COMMD7: variants seen among roughly 807,000 people sequenced by gnomAD.
The protein encoded by COMMD7 is COMM domain containing 7, also known as COMM domain-containing protein 7.
COMMD7 carries 28 observed loss-of-function variants against 34.8 expected under a neutral mutation model. The ratio of observed to expected loss-of-function variants is 0.80; its 90% CI spans 0.60 to 1.10. The LOEUF (loss-of-function observed/expected upper bound fraction) is 1.10. Among genes scored for constraint, COMMD7 ranks in the 50% least tolerant of loss-of-function variants. The pLI, the probability that COMMD7 is intolerant of heterozygous loss-of-function variation, is 0.00. For missense variants in COMMD7, 211 were observed against 241.6 expected, an observed-to-expected ratio of 0.87 and a Z score of 0.84; for synonymous variants, 80 against 86.4, an observed-to-expected ratio of 0.93 and a Z score of 0.41.
chr20:32,704,412 C>A (rs1983930557), intron 7 of COMMD7, 28 bp downstream of exon 7: 7 of 1,591,966 alleles, frequency 4.4e-6, no homozygotes, highest in African/African-American at 1.4e-5. Flanking sequence ...AAAATCTACC[C>A]ATTTTCAAGG....
chr20:32,740,290 C>A (rs1986364834), intron 1 of COMMD7, among the ~76,000 whole-genome samples: 1 of 145,694 alleles, frequency 6.9e-6, no homozygotes, highest in African/African-American at 2.6e-5. Flanking sequence ...GCACTCCAGC[C>A]TGGGCAACAG....
intron 3 of COMMD7, among the ~76,000 whole-genome samples, chr20:32,712,293 A>AAAAAAG (rs1555823349): frequency 2.0e-5 from 3 of 146,928 alleles, no homozygotes; most frequent in African/African-American, 7.6e-5. Context: ...AAAAAAAAAA[A>AAAAAAG]AGAGAGAGAT....
rs571626136 is a variant in COMMD7 at position 32,704,088 on chromosome 20, A to C, written c.478-17T>G. ...CAACTTTAGCTGATGAAAGAAAAAG[A>C]AATAATTTAAATTAAAATGATGACA... On this transcript the variant is annotated splice_polypyrimidine_tract_variant and intron_variant, in intron 7 of 8. Coordinates refer to ENST00000278980, the MANE Select transcript of COMMD7 (RefSeq NM_053041.3). 6.4e-6 allele frequency: 10 copies of C among 1,557,490 alleles called. No individual in the cohort carries two copies. In the African/African-American group the frequency reaches 8.3e-5, roughly 13 times the overall value.
At position 32,704,834 on chromosome 20, in the gene COMMD7, T is replaced by C; in HGVS notation, c.407A>G (p.Asp136Gly). Residue 136 changes from aspartate (D) to glycine (G), a missense_variant, in exon 6 of 9, where the codon GAT becomes GGT. Physicochemically the swap from Asp to Gly is moderately conservative, Grantham distance 94. Transcript: ENST00000278980. Reference sequence around the variant, plus strand: ...GTTACCTCCAAATTTCCACTCCATATCTATGAGCTGGTTAATCATCAGAGT... The same window carrying C: ...GTTACCTCCAAATTTCCACTCCATACCTATGAGCTGGTTAATCATCAGAGT... ...GQTLMINQLI[D>G]MEWKFGVTSG... The C allele has an allele frequency of 6.2e-7, 1 of 1,613,814 alleles. No homozygotes were observed.
chr20:32,703,531 C>T, intron 8 of COMMD7, 73 bp from the exon 9 acceptor site: 1 of 1,557,502 alleles, frequency 6.4e-7, no homozygotes, highest in East Asian at 2.3e-5. Context: ...TTAATTTCCA[C>T]CCGGAGGATT....
intron 1 of COMMD7, among the ~76,000 whole-genome samples, chr20:32,728,506 CG>C (rs1386278334): frequency 5.3e-5 from 8 of 151,890 alleles, no homozygotes; most frequent in African/African-American, 1.9e-4. Context: ...AAATTAAAAG[CG>C]GTTACCACTT....
At chr20:32,715,043 A>G (rs1418100843) in intron 3 of COMMD7, among the ~76,000 whole-genome samples, 1 of 150,632 alleles carries the variant, frequency 6.6e-6, no homozygotes, top group Non-Finnish European at 1.5e-5. Context: ...TAAATAAATA[A>G]ATAAATAAAT....
At chr20:32,725,502 C>T (rs1985456076) in intron 3 of COMMD7, among the ~76,000 whole-genome samples, 1 of 149,116 alleles carries the variant, frequency 6.7e-6, no homozygotes, top group Non-Finnish European at 1.5e-5. Flanking sequence ...GGTCTCAGCT[C>T]ACTGCAAACT....
At chr20:32,736,167 A>G (rs996768519) in intron 1 of COMMD7, among the ~76,000 whole-genome samples, 1 of 152,190 alleles carries the variant, frequency 6.6e-6, no homozygotes, top group Admixed American at 6.6e-5. Context: ...CATTCAGGTA[A>G]ACACCCACCG....
At chr20:32,713,865 T>C (rs28481782) in intron 3 of COMMD7, among the ~76,000 whole-genome samples, 105,515 of 152,044 alleles carry the variant, frequency 0.69, 37,282 homozygotes, top group Middle Eastern at 0.82. Context: ...CCTGTAATCT[T>C]AGCACTTTGG....
In COMMD7 at chr20:32,703,178, A is replaced by G. The variant is rs533378764; in HGVS notation, c.*204T>C. On this transcript the variant is annotated 3_prime_UTR_variant, in exon 9 of 9. Coordinates refer to ENST00000278980, the MANE Select transcript of COMMD7 (RefSeq NM_053041.3). Reference sequence around the variant, plus strand: ...GACAGGTGGTGGTGGTTGCCCTAACAGAGAGTTTACAGGGTAATTGTGTTG... The same window carrying G: ...GACAGGTGGTGGTGGTTGCCCTAACGGAGAGTTTACAGGGTAATTGTGTTG... 25 of 434,492 alleles carry G rather than the reference A, an allele frequency of 5.8e-5. No homozygotes were observed. In the East Asian group the frequency reaches 8.8e-4, roughly 15 times the overall value. The allele number at this position is 434,492 out of a possible 1,614,324, so 26.9% of individuals were successfully genotyped here.
rs373129483 is a variant in COMMD7, at chr20:32,718,360, C to T, written c.241+9533G>A. Among the ~76,000 whole-genome samples the T allele has an allele frequency of 8.0e-5, 12 of 150,000 alleles. No individual in the cohort carries two copies. In the East Asian group the frequency reaches 2.2e-3, roughly 27 times the overall value. ...CAGAGCTTGCAGTGAACCGAGTTTG[C>T]GCCACTGCACTCCAGCCTGGGCTAC... On this transcript the variant is annotated intron_variant, in intron 3 of 8. Transcript: ENST00000278980.
intron 3 of COMMD7, among the ~76,000 whole-genome samples, chr20:32,707,087 C>T (rs900040219): frequency 7.0e-6 from 1 of 141,916 alleles, no homozygotes; most frequent in African/African-American, 2.6e-5. Flanking sequence ...TCCTGGCTAA[C>T]ATGGTGAAAC....
At position 32,706,603 on chromosome 20, in the gene COMMD7, CTT is replaced by C. The variant is rs779511752; in HGVS notation, c.314_315del (p.Lys105SerfsTer6). 1 of 1,610,374 alleles carries C rather than the reference CTT, an allele frequency of 6.2e-7. No homozygotes were observed. Among genetic ancestry groups the C allele is most frequent in the Non-Finnish European group, 8.5e-7 (1 of 1,176,792 alleles). On this transcript the variant is annotated frameshift_variant, in exon 5 of 9. Transcript: ENST00000278980. LOFTEE classifies it high-confidence loss of function. ...DFITLGLSEEKATYFSEKWKQ... is the reference protein window; with the variant it reads ...DFITLGLSEEXATYFSEKWKQ... ...TATACCTTTTCAGAAAAGTAAGTGG[CTT>C]TCTCCTCACTAAGACCTATAAGAGA...
chr20:32,738,041 G>A (rs1052147569), intron 1 of COMMD7, among the ~76,000 whole-genome samples: 3 of 151,896 alleles, frequency 2.0e-5, no homozygotes, highest in Non-Finnish European at 4.4e-5. Context: ...ACATTAACAA[G>A]TAAAAGCTAA....
At chr20:32,733,353 G>A (rs1039452496) in intron 1 of COMMD7, among the ~76,000 whole-genome samples, 4 of 151,926 alleles carry the variant, frequency 2.6e-5, no homozygotes, top group African/African-American at 9.7e-5. Flanking sequence ...GGTTGAGGCG[G>A]GGGGATAACC....
chr20:32,743,236 G>GGGGCC, intron 1 of COMMD7, 72 bp downstream of exon 1: 1 of 555,858 alleles, frequency 1.8e-6, no homozygotes. Context: ...ACCCCCGGAC[G>GGGGCC]TCCCCCCCAC....
At chr20:32,716,004 A>G (rs946706536) in intron 3 of COMMD7, among the ~76,000 whole-genome samples, 4 of 152,110 alleles carry the variant, frequency 2.6e-5, no homozygotes, top group African/African-American at 7.2e-5. Context: ...CTTTATCCTT[A>G]TAATAAAAGT....
chr20:32,711,646 C>T (rs1029791481), intron 3 of COMMD7, among the ~76,000 whole-genome samples: 5 of 152,098 alleles, frequency 3.3e-5, no homozygotes, highest in Non-Finnish European at 5.9e-5. Flanking sequence ...CCTGAAGTTA[C>T]CTCTGGAGGG....
Sources: allele counts gnomAD v4.1 joint callset (sites outside exome capture counted in the v4.1 genomes callset), GRCh38; gene constraint gnomAD v4.1.1; transcripts MANE v1.5; gene names NCBI Gene and HGNC (gene_info 2026-07-23, HGNC 2026-07-21).